OTOF: variants seen among roughly 807,000 people sequenced by gnomAD.
OTOF encodes fer-1-like family member 2.
Under a neutral mutation model 236.8 loss-of-function variants are expected in OTOF, and 218 were observed. That is an observed-to-expected ratio of 0.92 (90% CI 0.82 to 1.03). The LOEUF (loss-of-function observed/expected upper bound fraction) is 1.03, where lower values mean the gene tolerates loss of function less well. Ranked by LOEUF, OTOF falls within the 50% of genes least tolerant of loss-of-function variation. OTOF has a pLI of 0.00. For missense variants in OTOF, 2,590 were observed against 2,694.4 expected (o/e 0.96, Z 0.86); for synonymous variants, 1,041 against 1,072.5 (o/e 0.97, Z 0.57).
chr2:26,489,077 G>T, intron 11 of OTOF, 134 bp downstream of exon 11: 2 of 721,148 alleles, frequency 2.8e-6, no homozygotes. Flanking sequence ...CCAGATGGCT[G>T]TGTGTACTAA....
At chr2:26,539,178 A>G (rs11682534) in intron 1 of OTOF, among the ~76,000 whole-genome samples, 55,457 of 151,978 alleles carry the variant, frequency 0.36, 11,936 homozygotes, top group Admixed American at 0.52. Flanking sequence ...GTAATGGTAC[A>G]GAGAAGGGAG....
At chr2:26,526,954 G>A (rs952580272) in intron 3 of OTOF, among the ~76,000 whole-genome samples, 1 of 152,114 alleles carries the variant, frequency 6.6e-6, no homozygotes, top group Non-Finnish European at 1.5e-5. Flanking sequence ...TCTGCCCAAG[G>A]ACCTAGGACT....
At chr2:26,466,969 G>T (rs1664757234) in intron 35 of OTOF, 118 bp from the exon 36 acceptor site, 2 of 1,558,084 alleles carry the variant, frequency 1.3e-6, no homozygotes, top group Admixed American at 1.7e-5. Flanking sequence ...CCCTTTAACT[G>T]CTGAGTCATG....
In OTOF at chr2:26,477,338, G is replaced by C. The variant is rs993012789; in HGVS notation, c.2407-50C>G. On this transcript the variant is annotated intron_variant, in intron 20 of 46. Transcript: ENST00000272371. The surrounding 1 kb of genome is among the most constrained non-coding windows in gnomAD (Gnocchi z 4.7). ...ACCCAGCAACTGGGGGACAGCTCGG[G>C]CCATGACAAAGGGGGTTGTGACACC... is the stretch of plus-strand genomic sequence containing the variant. 1 of 1,592,790 alleles carries C rather than the reference G, an allele frequency of 6.3e-7. No homozygotes were observed. Among genetic ancestry groups the C allele is most frequent in the African/African-American group, 1.3e-5 (1 of 74,562 alleles).
chr2:26,501,975 A>C (rs921569324), intron 7 of OTOF, among the ~76,000 whole-genome samples, 167 bp from the exon 8 acceptor site: 2 of 152,166 alleles, frequency 1.3e-5, no homozygotes, highest in African/African-American at 2.4e-5. Flanking sequence ...CAGAGGCCTC[A>C]ACACAGAGAA....
intron 38 of OTOF, 69 bp downstream of exon 38, chr2:26,465,603 T>A: frequency 6.6e-7 from 1 of 1,519,608 alleles, no homozygotes; most frequent in Non-Finnish European, 9.1e-7. Flanking sequence ...CACCAGGATC[T>A]GAATCTCATT....
intron 1 of OTOF, among the ~76,000 whole-genome samples, chr2:26,548,204 AT>A (rs1007241017): frequency 1.3e-5 from 2 of 150,978 alleles, no homozygotes; most frequent in Non-Finnish European, 3.0e-5. Context: ...TATTTTATTA[AT>A]TTTTTTTGAA....
chr2:26,511,741 C>A (rs948110998), intron 5 of OTOF, among the ~76,000 whole-genome samples: 1 of 152,226 alleles, frequency 6.6e-6, no homozygotes, highest in African/African-American at 2.4e-5. Flanking sequence ...AGGAATGTGT[C>A]TCAAGCACAA....
Position 26,483,457 on chromosome 2 carries a change from A to C in OTOF, c.1392+5T>G. On this transcript the variant is annotated splice_donor_5th_base_variant and intron_variant, in intron 13 of 46. Coordinates refer to ENST00000272371, the MANE Select transcript of OTOF (RefSeq NM_194248.3). ...CCCAGCCTCCTGTACCTCATACCCCAGTACCTTCTGGCCAGCAAAGAAGAC... is the reference window on the plus strand; with the variant it reads ...CCCAGCCTCCTGTACCTCATACCCCCGTACCTTCTGGCCAGCAAAGAAGAC... 1.2e-6 allele frequency: 2 copies of C among 1,613,384 alleles called. No individual in the cohort carries two copies. Among genetic ancestry groups the C allele is most frequent in the Non-Finnish European group, 1.7e-6 (2 of 1,179,798 alleles).
At chr2:26,519,169 C>A in intron 3 of OTOF, 60 bp from the exon 4 acceptor site, 1 of 1,136,792 alleles carries the variant, frequency 8.8e-7, no homozygotes, top group East Asian at 2.5e-5. Flanking sequence ...AGGAGCAAGA[C>A]TGACATCCCA....
In OTOF at chr2:26,462,024, C is replaced by G; in HGVS notation, c.5291+59G>C. The G allele has an allele frequency of 6.2e-7, 1 of 1,612,516 alleles. No individual in the cohort carries two copies. The highest frequency in any genetic ancestry group is 8.5e-7 in the Non-Finnish European group (1 of 1,179,056). Reference sequence around the variant, plus strand: ...ACCTTCCCTCTGCCTCCTCTCCTGCCCCCCGGGAAGCAAGCCCCACCCAGC... The same window carrying G: ...ACCTTCCCTCTGCCTCCTCTCCTGCGCCCCGGGAAGCAAGCCCCACCCAGC... On this transcript the variant is annotated intron_variant, in intron 42 of 46. Transcript: ENST00000272371. This position sits in a 1 kb window ranked among gnomAD's most constrained non-coding sequence, Gnocchi z 4.7.
At position 26,476,186 on chromosome 2, in the gene OTOF, G is replaced by A. The variant is rs372096755; in HGVS notation, c.2808C>T (p.Val936=). 2.3e-5 allele frequency: 37 copies of A among 1,610,778 alleles called. No homozygotes were observed. Among genetic ancestry groups the A allele is most frequent in the Non-Finnish European group, 2.3e-5 (27 of 1,179,772 alleles). The change falls in exon 23 of 47, where the codon GTC becomes GTT. Residue 936 remains valine, a synonymous_variant. Coordinates refer to ENST00000272371, the MANE Select transcript of OTOF (RefSeq NM_194248.3). ...GCAGGCCCAGGCCCTGGGCTGCCTTGACCTCCTGGAAGCCACAGGGCAGGC... is the reference window on the plus strand; with the variant it reads ...GCAGGCCCAGGCCCTGGGCTGCCTTAACCTCCTGGAAGCCACAGGGCAGGC... ...LCGLPCGFQE[V]KAAQGLGLHA... is the part of the protein sequence containing the mutation.
At chr2:26,504,255 G>A (rs1019542850) in intron 5 of OTOF, among the ~76,000 whole-genome samples, 1 of 152,218 alleles carries the variant, frequency 6.6e-6, no homozygotes, top group Non-Finnish European at 1.5e-5. Context: ...CCCCGGCTCA[G>A]CTGGTTGGAG....
chr2:26,460,018 A>G lies in OTOF; in HGVS notation c.*7T>C. The stretch of plus-strand genomic sequence containing the variant: ...TAAGAAATATCAGACCCAGGAGGCC[A>G]CTGGGCTCAGGCCCCGAGGATTTTC... On this transcript the variant is annotated 3_prime_UTR_variant, in exon 46 of 47. Coordinates refer to ENST00000272371, the MANE Select transcript of OTOF (RefSeq NM_194248.3). This position sits in a 1 kb window ranked among gnomAD's most constrained non-coding sequence, Gnocchi z 5.3. 1 of 1,564,346 alleles carries G rather than the reference A, an allele frequency of 6.4e-7. No individual in the cohort carries two copies. Among genetic ancestry groups the G allele is most frequent in the African/African-American group, 1.3e-5 (1 of 74,200 alleles).
At position 26,476,297 on chromosome 2, in the gene OTOF, G is replaced by A. The variant is rs749074218; in HGVS notation, c.2697C>T (p.Phe899=). 9 of 1,605,072 alleles carry A rather than the reference G, an allele frequency of 5.6e-6. No homozygotes were observed. In the East Asian group the frequency reaches 6.7e-5, roughly 12 times the overall value. ...CCTGCACTGTCCAGCCTGCCGAGCCGAAGCCCCGCTTCCCTGGCAGCTGGG... is the reference window on the plus strand; with the variant it reads ...CCTGCACTGTCCAGCCTGCCGAGCCAAAGCCCCGCTTCCCTGGCAGCTGGG... The part of the protein sequence containing the change: ...LFLKLPGKRG[F]GSAGWTVQAK... Residue 899 remains phenylalanine, a synonymous_variant, in exon 23 of 47, where the codon TTC becomes TTT. Coordinates refer to ENST00000272371, the MANE Select transcript of OTOF (RefSeq NM_194248.3).
intron 1 of OTOF, among the ~76,000 whole-genome samples, chr2:26,545,615 C>A (rs1667312448): frequency 6.6e-6 from 1 of 151,954 alleles, no homozygotes; most frequent in African/African-American, 2.4e-5. Context: ...TTTAAGAAAC[C>A]TTTGCCTAAC....
At chr2:26,526,123 G>A (rs1013159066) in intron 3 of OTOF, among the ~76,000 whole-genome samples, 1 of 72,954 alleles carries the variant, frequency 1.4e-5, no homozygotes, top group Admixed American at 2.0e-4. Context: ...GAAAAAAGGT[G>A]GAAGGATGGA....
Position 26,502,392 on chromosome 2 carries a change from G to A in OTOF, c.618C>T (p.Asp206=), listed in dbSNP as rs1422404974. The A allele has an allele frequency of 1.2e-6, 2 of 1,613,872 alleles. No individual in the cohort carries two copies. The highest frequency in any genetic ancestry group is 2.2e-5 in the East Asian group (1 of 44,886). ...CATCTCCTAGCCGAATGGCCAGATGGTCAAGGTCTTCCATCTCCAGCACCG... is the reference window on the plus strand; with the variant it reads ...CATCTCCTAGCCGAATGGCCAGATGATCAAGGTCTTCCATCTCCAGCACCG... ...EPAVLEMEDL[D]HLAIRLGDGL... is the part of the protein sequence containing the mutation. The change falls in exon 7 of 47, where the codon GAC becomes GAT. Residue 206 remains aspartate (D), a synonymous_variant. Coordinates refer to ENST00000272371, the MANE Select transcript of OTOF (RefSeq NM_194248.3).
At chr2:26,544,738 G>C (rs1286622314) in intron 1 of OTOF, among the ~76,000 whole-genome samples, 1 of 152,066 alleles carries the variant, frequency 6.6e-6, no homozygotes, top group Non-Finnish European at 1.5e-5. Flanking sequence ...GGTACCCTTA[G>C]CTTTATAAGA....
Sources: allele counts gnomAD v4.1 joint callset (sites outside exome capture counted in the v4.1 genomes callset), GRCh38; gene constraint gnomAD v4.1.1; non-coding constraint Gnocchi (gnomAD v3.1); transcripts MANE v1.5; gene names NCBI Gene and HGNC (gene_info 2026-07-23, HGNC 2026-07-21).